Variants in NLRP7 observed in about 807,000 individuals in gnomAD.
NLRP7 encodes NLR family pyrin domain containing 7.
A neutral mutation model predicts 85.5 loss-of-function variants in NLRP7; 72 were observed. The observed-to-expected ratio is 0.84, with a 90% confidence interval of 0.70 to 1.02. The LOEUF (loss-of-function observed/expected upper bound fraction) is 1.02, where lower values mean the gene tolerates loss of function less well. Ranked by LOEUF, NLRP7 falls within the 50% of genes least tolerant of loss-of-function variation. The probability of loss-of-function intolerance (pLI) is 0.00; values close to 1 mark genes in which losing one functional copy is unlikely to be tolerated. For synonymous variants in NLRP7, 550 were observed against 505.2 expected (o/e 1.09, Z -1.19); for missense variants, 1,243 against 1,219.5 (o/e 1.02, Z -0.29).
At chr19:54,932,065 G>A (rs1020739157) in intron 8 of NLRP7, among the ~76,000 whole-genome samples, 1 of 152,058 alleles carries the variant, frequency 6.6e-6, no homozygotes, top group Non-Finnish European at 1.5e-5. Flanking sequence ...CATATATAGG[G>A]GTATAGTGTG....
chr19:54,933,856 C>T, intron 7 of NLRP7, 117 bp from the exon 8 acceptor site: 1 of 899,524 alleles, frequency 1.1e-6, no homozygotes, highest in Non-Finnish European at 1.8e-6. Context: ...CATCCCCTGC[C>T]CTCTGTCCTG....
intron 1 of NLRP7, among the ~76,000 whole-genome samples, chr19:54,957,773 G>C (rs1414575004): frequency 6.6e-6 from 1 of 152,180 alleles, no homozygotes; most frequent in African/African-American, 2.4e-5. Context: ...CTGTCAAACT[G>C]TTTTGTGTCA....
chr19:54,961,534 A>T (rs2070042485), intron 1 of NLRP7, among the ~76,000 whole-genome samples: 1 of 150,502 alleles, frequency 6.6e-6, no homozygotes, highest in African/African-American at 2.4e-5. Flanking sequence ...GAAAATACAA[A>T]TTTTTTAAAA....
At chr19:54,957,229 C>A (rs1219497372) in intron 1 of NLRP7, among the ~76,000 whole-genome samples, 1 of 151,598 alleles carries the variant, frequency 6.6e-6, no homozygotes, top group Admixed American at 6.6e-5. Flanking sequence ...CCCTGTTGTC[C>A]AGGCTAGTCT....
intron 1 of NLRP7, among the ~76,000 whole-genome samples, chr19:54,959,674 CA>C (rs1404474210): frequency 6.6e-6 from 1 of 151,390 alleles, no homozygotes; most frequent in Non-Finnish European, 1.5e-5. Flanking sequence ...GCTGCCAAAG[CA>C]AATACTCTGA....
chr19:54,940,840 ACT>A, intron 3 of NLRP7, 89 bp downstream of exon 3: 5 of 881,390 alleles, frequency 5.7e-6, no homozygotes, highest in Admixed American at 1.8e-5. Context: ...AAAAAAAAAA[ACT>A]ACCAGAAATG....
At chr19:54,938,094 C>A (rs748992976) in exon 5 of NLRP7, 6 of 1,614,088 alleles carry the variant, frequency 3.7e-6, no homozygotes, top group East Asian at 2.2e-5. Context: ...CACAAAGAAT[C>A]CGCACAGAAG....
intron 9 of NLRP7, among the ~76,000 whole-genome samples, chr19:54,928,302 G>A (rs2068532544): frequency 1.3e-5 from 2 of 152,286 alleles, no homozygotes; most frequent in East Asian, 1.9e-4. Context: ...TCGAGAGGCA[G>A]GAGAATCGCC....
chr19:54,946,429 T>G (rs546680531), intron 1 of NLRP7, among the ~76,000 whole-genome samples: 2 of 150,564 alleles, frequency 1.3e-5, no homozygotes, highest in East Asian at 3.9e-4. Flanking sequence ...CAGGCTGGTC[T>G]CAAACTCCCG....
intron 1 of NLRP7, among the ~76,000 whole-genome samples, chr19:54,942,709 C>CT (rs1410632774): frequency 3.9e-5 from 6 of 152,100 alleles, no homozygotes; most frequent in South Asian, 2.1e-4. Flanking sequence ...GAACAAGACT[C>CT]TGTCTCAAAC....
At chr19:54,938,506 T>C (rs756939837) in intron 4 of NLRP7, among the ~76,000 whole-genome samples, 1 of 152,178 alleles carries the variant, frequency 6.6e-6, no homozygotes, top group Non-Finnish European at 1.5e-5. Flanking sequence ...GGAAGATCAC[T>C]TGAGCCCAGG....
chr19:54,939,728 G>A (rs777760472), exon 4 of NLRP7: 6 of 1,613,382 alleles, frequency 3.7e-6, no homozygotes, highest in Non-Finnish European at 5.1e-6. Flanking sequence ...CCAGCACACC[G>A]CGGGGGCCGA....
chr19:54,929,298 G>A (rs1004573869), intron 9 of NLRP7, among the ~76,000 whole-genome samples: 7 of 152,088 alleles, frequency 4.6e-5, no homozygotes, highest in African/African-American at 1.4e-4. Context: ...CTTGGAGGCT[G>A]AGGTTGCAGT....
chr19:54,955,082 C>T (rs891084709), intron 1 of NLRP7, among the ~76,000 whole-genome samples: 2 of 152,164 alleles, frequency 1.3e-5, no homozygotes, highest in Non-Finnish European at 2.9e-5. Context: ...AATCCCAGCA[C>T]TTTGGGAGGC....
chr19:54,929,407 TTACTC>T (rs68181358), intron 9 of NLRP7, among the ~76,000 whole-genome samples: 84,081 of 151,232 alleles, frequency 0.56, 23,553 homozygotes, highest in East Asian at 0.71. Flanking sequence ...TTTTTTTTCT[TTACTC>T]TACAGCAAAG....
chr19:54,956,167 G>GGAGGGAAGGAGGGAAA (rs2069846560), intron 1 of NLRP7, among the ~76,000 whole-genome samples: 1 of 150,468 alleles, frequency 6.6e-6, no homozygotes, highest in Non-Finnish European at 1.5e-5. Context: ...AAGGAGGGAA[G>GGAGGGAAGGAGGGAAA]GGAAGGAGGG....
At chr19:54,954,192 T>A (rs144112377) in intron 1 of NLRP7, among the ~76,000 whole-genome samples, 2,105 of 148,266 alleles carry the variant, frequency 0.014, 156 homozygotes, top group African/African-American at 0.049. Flanking sequence ...GAGGCATGAA[T>A]AATCCACCCC....
At chr19:54,927,322 A>C (rs1020493320) in intron 9 of NLRP7, among the ~76,000 whole-genome samples, 2 of 151,616 alleles carry the variant, frequency 1.3e-5, no homozygotes, top group African/African-American at 4.8e-5. Context: ...TGGGGGTTGC[A>C]GTGAGCCAAG....
At position 54,936,428 on chromosome 19, in the gene NLRP7, AATCCTAGGG is replaced by A. The variant is rs1419356340; in HGVS notation, c.2130-6_2132del. On this transcript the variant is annotated splice_acceptor_variant and splice_polypyrimidine_tract_variant and coding_sequence_variant and intron_variant, in exon 6 of 10. Coordinates refer to ENST00000340844, the Ensembl canonical transcript of NLRP7. LOFTEE classifies it high-confidence loss of function. ...ACGCGGTGTCAGGGGTGACGTTTTT[AATCCTAGGG>A]AAAAGCAGAAGAGATTCCACTTGGA... 3 of 1,613,776 alleles carry A rather than the reference AATCCTAGGG, an allele frequency of 1.9e-6. No homozygotes were observed. The highest frequency in any genetic ancestry group is 2.5e-6 in the Non-Finnish European group (3 of 1,179,662).
Sources: allele counts gnomAD v4.1 joint callset (sites outside exome capture counted in the v4.1 genomes callset), GRCh38; gene constraint gnomAD v4.1.1; transcripts MANE v1.5; gene names NCBI Gene and HGNC (gene_info 2026-07-23, HGNC 2026-07-21).